The following EWSR1 variants were observed in gnomAD, a reference collection of about 807,000 sequenced individuals.
EWSR1 encodes the protein EWS RNA binding protein 1.
In EWSR1, 14 loss-of-function variants were observed where a neutral mutation model predicts 92.1. The ratio of observed to expected loss-of-function variants is 0.15; its 90% CI spans 0.10 to 0.24. EWSR1 has a LOEUF of 0.24. Ranked by LOEUF, EWSR1 falls within the 10% of genes least tolerant of loss-of-function variation. EWSR1 has a pLI of 1.00. For missense variants in EWSR1, 637 were observed against 870.9 expected (o/e 0.73, Z 3.38); for synonymous variants, 303 against 292.9 (o/e 1.03, Z -0.35).
chr22:29,279,187 T>C (rs1318594875), intron 5 of EWSR1, among the ~76,000 whole-genome samples: 1 of 152,112 alleles, frequency 6.6e-6, no homozygotes, highest in East Asian at 1.9e-4. Context: ...ATTGTACTTT[T>C]GAATTGTACT....
At chr22:29,285,076 C>T (rs1334016821) in intron 6 of EWSR1, among the ~76,000 whole-genome samples, 5 of 150,626 alleles carry the variant, frequency 3.3e-5, no homozygotes, top group African/African-American at 1.0e-4. Flanking sequence ...GTCTCTGCCT[C>T]CCAAAGTGCT....
At position 29,278,097 on chromosome 22, in the gene EWSR1, T is replaced by C; in HGVS notation, c.294T>C (p.Tyr98=). ...TCCAGGGGTATGGCACTGGTGCTTA[T>C]GATACCACCACTGCTACAGTCACCA... ...QPVQGYGTGA[Y]DTTTATVTTT... The change falls in exon 5 of 17, where the codon TAT becomes TAC. Residue 98 remains tyrosine (Y), a synonymous_variant. Transcript: ENST00000397938. The C allele has an allele frequency of 6.2e-7, 1 of 1,614,094 alleles. No homozygotes were observed. The highest frequency in any genetic ancestry group is 8.5e-7 in the Non-Finnish European group (1 of 1,179,948).
chr22:29,288,953 T>C (rs1249361458), intron 8 of EWSR1, 167 bp downstream of exon 8: 1 of 643,502 alleles, frequency 1.6e-6, no homozygotes, highest in Non-Finnish European at 2.5e-6. Flanking sequence ...TTGTGGCATA[T>C]ATTAAGTGGC....
intron 5 of EWSR1, among the ~76,000 whole-genome samples, chr22:29,280,517 ATACT>A (rs1218175302): frequency 2.0e-5 from 3 of 152,142 alleles, no homozygotes; most frequent in African/African-American, 4.8e-5. Flanking sequence ...TTTAACAGGG[ATACT>A]TACTTCCAGG....
chr22:29,280,859 GTTGTTTTTTTTTT>G (rs2059521535), intron 5 of EWSR1, among the ~76,000 whole-genome samples: 1 of 90,978 alleles, frequency 1.1e-5, no homozygotes, highest in African/African-American at 4.0e-5. Flanking sequence ...GTGTGTGTGT[GTTGTTTTTTTTTT>G]TTTTTTTTTT....
chr22:29,273,812 T>C lies in EWSR1; in HGVS notation c.174T>C (p.Thr58=). ...TDVSYTQAQT[T]ATYGQTAYAT... Reference sequence around the variant, plus strand: ...TCAGCTATACCCAGGCTCAGACCACTGCAACCTATGGGCAGACCGCCTATG... The same window carrying C: ...TCAGCTATACCCAGGCTCAGACCACCGCAACCTATGGGCAGACCGCCTATG... The change falls in exon 4 of 17, where the codon ACT becomes ACC. Residue 58 remains threonine, a synonymous_variant. Transcript: ENST00000397938. The C allele has an allele frequency of 6.2e-7, 1 of 1,613,992 alleles. No homozygotes were observed. The highest frequency in any genetic ancestry group is 8.5e-7 in the Non-Finnish European group (1 of 1,179,922).
intron 1 of EWSR1, among the ~76,000 whole-genome samples, chr22:29,268,660 G>A (rs934615202): frequency 1.3e-5 from 2 of 152,166 alleles, no homozygotes; most frequent in African/African-American, 4.8e-5. Context: ...CCACGTGGGC[G>A]GGGCCTGCGG....
intron 11 of EWSR1, among the ~76,000 whole-genome samples, chr22:29,295,162 T>TTCAAGCC (rs1425301316): frequency 2.6e-5 from 4 of 151,966 alleles, no homozygotes; most frequent in Admixed American, 6.6e-5. Context: ...GCCTCCTGGG[T>TTCAAGCC]TCAAGCCTCA....
chr22:29,289,251 C>CAT, intron 8 of EWSR1: 1 of 233,402 alleles, frequency 4.3e-6, no homozygotes, highest in East Asian at 6.1e-5. Flanking sequence ...AATCGTTGAA[C>CAT]ATATGAAGAT....
intron 5 of EWSR1, among the ~76,000 whole-genome samples, chr22:29,281,017 C>CT (rs1219212159): frequency 6.6e-6 from 1 of 151,448 alleles, no homozygotes; most frequent in African/African-American, 2.4e-5. Context: ...GTAGCTGGGA[C>CT]TACAGGCACC....
At chr22:29,287,181 G>GT in intron 7 of EWSR1, 47 bp downstream of exon 7, 1 of 1,562,472 alleles carries the variant, frequency 6.4e-7, no homozygotes, top group Non-Finnish European at 8.7e-7. Context: ...TGTGTTTAGA[G>GT]TTTTTTTGTG....
rs1028491380 is a variant in EWSR1, at chr22:29,268,360, TGGAACTGCGGTCGCGCCGGCGGTAGCC to T, written c.13+17_13+43del. Reference sequence around the variant, plus strand: ...AAATGGCGTCCACGGGTGAGTATGGTGGAACTGCGGTCGCGCCGGCGGTAGCCGGAACGCCCAAACTGGGGGTCGTTC... The same window carrying T: ...AAATGGCGTCCACGGGTGAGTATGGTGGAACGCCCAAACTGGGGGTCGTTC... On this transcript the variant is annotated intron_variant, in intron 1 of 16. Coordinates refer to ENST00000397938, the MANE Select transcript of EWSR1 (RefSeq NM_005243.4). The T allele has an allele frequency of 1.4e-5, 22 of 1,613,942 alleles. No individual in the cohort carries two copies. Among genetic ancestry groups the T allele is most frequent in the Non-Finnish European group, 1.8e-5 (21 of 1,179,972 alleles).
chr22:29,268,740 G>C (rs969812087), intron 1 of EWSR1, among the ~76,000 whole-genome samples: 3 of 152,252 alleles, frequency 2.0e-5, no homozygotes, highest in Non-Finnish European at 4.4e-5. Flanking sequence ...ACCGCCGGGG[G>C]GCCCGCAGGC....
intron 13 of EWSR1, 93 bp from the exon 14 acceptor site, chr22:29,298,640 G>A: frequency 1.4e-6 from 2 of 1,463,382 alleles, no homozygotes; most frequent in Non-Finnish European, 1.9e-6. Flanking sequence ...GACAGCAGTA[G>A]TATCTGTGGG....
chr22:29,272,107 T>TC, intron 1 of EWSR1, 109 bp from the exon 2 acceptor site: 1 of 966,430 alleles, frequency 1.0e-6, no homozygotes, highest in Non-Finnish European at 1.6e-6. Context: ...TTGGCAGGTC[T>TC]CCCTACAGTT....
In EWSR1 at chr22:29,295,566, C is replaced by G. The variant is rs1056348556; in HGVS notation, c.1165-673C>G. 11 of 223,074 alleles carry G rather than the reference C, an allele frequency of 4.9e-5. No individual in the cohort carries two copies. In the East Asian group the frequency reaches 6.0e-4, roughly 12 times the overall value. 13.8% of individuals were successfully genotyped at this position (223,074 alleles called of 1,614,324 possible). On this transcript the variant is annotated intron_variant, in intron 11 of 16. Coordinates refer to ENST00000397938, the MANE Select transcript of EWSR1 (RefSeq NM_005243.4). ...GTTCCTTTTTTTAAGTCAGAGGTATCAATATATATATCCTGTTGTAATCTT... is the reference window on the plus strand; with the variant it reads ...GTTCCTTTTTTTAAGTCAGAGGTATGAATATATATATCCTGTTGTAATCTT...
At chr22:29,295,705 A>T (rs749795620) in intron 11 of EWSR1, 4 of 224,298 alleles carry the variant, frequency 1.8e-5, no homozygotes, top group Non-Finnish European at 3.6e-5. Context: ...AGATATTCTT[A>T]TACAAGGTAG....
chr22:29,283,051 C>A (rs894460501), intron 6 of EWSR1, among the ~76,000 whole-genome samples: 2 of 152,138 alleles, frequency 1.3e-5, no homozygotes, highest in African/African-American at 4.8e-5. Context: ...CGTGAGCCAC[C>A]GCACCCGGCC....
chr22:29,273,971 C>T lies in EWSR1; in HGVS notation c.226+107C>T, dbSNP rs561854377. 1.0e-4 allele frequency: 143 copies of T among 1,393,772 alleles called. 2 individuals are homozygous for T. In the South Asian group the frequency reaches 1.8e-3, roughly 17 times the overall value. 86.3% of individuals were successfully genotyped at this position (1,393,772 alleles called of 1,614,324 possible). A position where few individuals can be genotyped will look rare whatever the true frequency, so the allele number is the denominator to read the frequency against. On this transcript the variant is annotated intron_variant, in intron 4 of 16. Coordinates refer to ENST00000397938, the MANE Select transcript of EWSR1 (RefSeq NM_005243.4). ...TATATTCTGGTCCATACCTTGGCAT[C>T]TGGGGAATCCTTTATTCTTAGGAAG...
Sources: allele counts gnomAD v4.1 joint callset (sites outside exome capture counted in the v4.1 genomes callset), GRCh38; gene constraint gnomAD v4.1.1; transcripts MANE v1.5; gene names NCBI Gene and HGNC (gene_info 2026-07-23, HGNC 2026-07-21).